The following ACAP2 variants were observed in gnomAD, a reference collection of about 807,000 sequenced individuals.
The protein encoded by ACAP2 is ArfGAP with coiled-coil, ankyrin repeat and PH domains 2, also known as arf-GAP with coiled-coil, ANK repeat and PH domain-containing protein 2.
In ACAP2, 39 loss-of-function variants were observed where a neutral mutation model predicts 115.8. The ratio of observed to expected loss-of-function variants is 0.34; its 90% CI spans 0.26 to 0.44. The LOEUF is 0.44. Ranked by LOEUF, ACAP2 falls within the 20% of genes least tolerant of loss-of-function variation. The pLI, the probability that ACAP2 is intolerant of heterozygous loss-of-function variation, is 1.00. For synonymous variants in ACAP2, 289 were observed against 315.8 expected (o/e 0.92, Z 0.90); for missense variants, 662 against 927.6 (o/e 0.71, Z 3.72).
intron 4 of ACAP2, among the ~76,000 whole-genome samples, chr3:195,360,084 T>C (rs1163282381): frequency 6.6e-6 from 1 of 151,826 alleles, no homozygotes; most frequent in Non-Finnish European, 1.5e-5. Flanking sequence ...AGACAAAGAG[T>C]GGCTGAATGG....
chr3:195,296,865 G>C (rs891899244), intron 16 of ACAP2, among the ~76,000 whole-genome samples: 2 of 152,114 alleles, frequency 1.3e-5, no homozygotes, highest in African/African-American at 4.8e-5. Flanking sequence ...GATCCTTAGA[G>C]ACAGTAATGA....
At chr3:195,382,407 G>A (rs1300367541) in intron 2 of ACAP2, among the ~76,000 whole-genome samples, 4 of 151,552 alleles carry the variant, frequency 2.6e-5, no homozygotes, top group Non-Finnish European at 5.9e-5. Context: ...ATTGTTCCAG[G>A]CATTGTCTAA....
chr3:195,369,052 C>G (rs1732936672), intron 4 of ACAP2, among the ~76,000 whole-genome samples: 10 of 151,130 alleles, frequency 6.6e-5, no homozygotes, highest in Admixed American at 6.6e-4. Context: ...CCACTGCACT[C>G]CAGCCTGGGC....
intron 1 of ACAP2, among the ~76,000 whole-genome samples, chr3:195,392,860 CAA>C (rs1397021980): frequency 6.6e-6 from 1 of 152,188 alleles, no homozygotes; most frequent in African/African-American, 2.4e-5. Context: ...ATTTTACACT[CAA>C]GAGTATGTAT....
chr3:195,284,867 T>C (rs578188167), intron 22 of ACAP2, among the ~76,000 whole-genome samples: 10 of 152,348 alleles, frequency 6.6e-5, no homozygotes, highest in Non-Finnish European at 1.2e-4. Flanking sequence ...GTAATTCATA[T>C]ACTCAAATTC....
intron 1 of ACAP2, among the ~76,000 whole-genome samples, chr3:195,398,474 G>A (rs1477314351): frequency 1.3e-5 from 2 of 151,690 alleles, no homozygotes; most frequent in Non-Finnish European, 2.9e-5. Context: ...GTGAAACCCT[G>A]TCTCTACTAA....
chr3:195,303,895 CT>C (rs1728234592), intron 13 of ACAP2, among the ~76,000 whole-genome samples: 1 of 152,122 alleles, frequency 6.6e-6, no homozygotes, highest in Non-Finnish European at 1.5e-5. Context: ...GGCAAAGTAG[CT>C]CATGCCTGTA....
chr3:195,383,402 A>G (rs1734077694), intron 2 of ACAP2, among the ~76,000 whole-genome samples: 1 of 152,248 alleles, frequency 6.6e-6, no homozygotes, highest in South Asian at 2.1e-4. Flanking sequence ...GATTAAAGTA[A>G]TACTCCAGCC....
intron 13 of ACAP2, among the ~76,000 whole-genome samples, chr3:195,304,849 G>C (rs1361334445): frequency 6.6e-6 from 1 of 152,210 alleles, no homozygotes; most frequent in Non-Finnish European, 1.5e-5. Flanking sequence ...TTTGTGCTCA[G>C]AGTTTCCAAA....
At chr3:195,332,942 C>G in intron 8 of ACAP2, 86 bp downstream of exon 8, 1 of 964,630 alleles carries the variant, frequency 1.0e-6, no homozygotes, top group Non-Finnish European at 1.6e-6. Context: ...TGAGAACAAA[C>G]TAGTACACCT....
chr3:195,381,847 T>A, intron 3 of ACAP2, 56 bp downstream of exon 3: 3 of 1,551,944 alleles, frequency 1.9e-6, no homozygotes, highest in Non-Finnish European at 2.6e-6. Context: ...GCACAATTCT[T>A]TAATGTCTTA....
At chr3:195,392,366 A>C (rs1734735167) in intron 1 of ACAP2, among the ~76,000 whole-genome samples, 2 of 152,226 alleles carry the variant, frequency 1.3e-5, no homozygotes, top group Admixed American at 1.3e-4. Context: ...ACATTACGCT[A>C]ATTTATACTC....
At chr3:195,431,107 A>G (rs2108857955) in intron 1 of ACAP2, among the ~76,000 whole-genome samples, 1 of 152,304 alleles carries the variant, frequency 6.6e-6, no homozygotes, top group African/African-American at 2.4e-5. Flanking sequence ...AAATTTGCCT[A>G]TTCTGGACAT....
intron 4 of ACAP2, among the ~76,000 whole-genome samples, chr3:195,373,701 G>A (rs569936331): frequency 2.5e-4 from 38 of 152,150 alleles, no homozygotes; most frequent in African/African-American, 8.4e-4. Flanking sequence ...AGGCCGAGGC[G>A]GGTGGATCAT....
At chr3:195,314,680 C>A (rs1728976845) in intron 10 of ACAP2, among the ~76,000 whole-genome samples, 1 of 152,010 alleles carries the variant, frequency 6.6e-6, no homozygotes, top group Non-Finnish European at 1.5e-5. Flanking sequence ...AAAAAACGTG[C>A]CCTAAAAGTA....
At chr3:195,394,668 T>C (rs1238018776) in intron 1 of ACAP2, among the ~76,000 whole-genome samples, 3 of 152,114 alleles carry the variant, frequency 2.0e-5, no homozygotes, top group Admixed American at 6.6e-5. Context: ...ATACAAAAAG[T>C]AGCGTCAGGC....
At chr3:195,325,574 G>A (rs11712110) in intron 9 of ACAP2, 1 of 378,694 alleles carries the variant, frequency 2.6e-6, no homozygotes. Context: ...ATTATTCTTA[G>A]AGTTAATAAT....
At chr3:195,440,334 T>C (rs1715903836) in intron 1 of ACAP2, among the ~76,000 whole-genome samples, 1 of 152,214 alleles carries the variant, frequency 6.6e-6, no homozygotes, top group African/African-American at 2.4e-5. Context: ...TCCTTCTCCC[T>C]ATTTCAACCA....
chr3:195,424,261 G>GTGTATATATATATA (rs1456909404), intron 1 of ACAP2, among the ~76,000 whole-genome samples: 2 of 54,656 alleles, frequency 3.7e-5, no homozygotes, highest in African/African-American at 1.4e-4. Flanking sequence ...GTGTGTGTGT[G>GTGTATATATATATA]TATATATATA....
Sources: allele counts gnomAD v4.1 joint callset (sites outside exome capture counted in the v4.1 genomes callset), GRCh38; gene constraint gnomAD v4.1.1; transcripts MANE v1.5; gene names NCBI Gene and HGNC (gene_info 2026-07-23, HGNC 2026-07-21).